SV2C: variants seen among roughly 807,000 people sequenced by gnomAD.
The protein encoded by SV2C is solute carrier family 22 member B3.
SV2C carries 49 observed loss-of-function variants against 79.7 expected under a neutral mutation model. The observed-to-expected ratio is 0.61, with a 90% confidence interval of 0.49 to 0.78. The LOEUF (loss-of-function observed/expected upper bound fraction) is 0.78. SV2C is among the 30% of genes least tolerant of loss of function. The pLI, the probability that SV2C is intolerant of heterozygous loss-of-function variation, is 0.00. For missense variants in SV2C, 833 were observed against 912.9 expected (o/e 0.91, Z 1.13); for synonymous variants, 334 against 333.2 (o/e 1.00, Z -0.03).
At chr5:76,337,459 C>T (rs907655742), downstream of SV2C, among the ~76,000 whole-genome samples, 3 of 152,154 alleles carry the variant, frequency 2.0e-5, no homozygotes, top group Non-Finnish European at 2.9e-5. Context: ...CTTCAACATA[C>T]GAATTTGGGA....
chr5:76,304,172 G>A (rs1241811096), intron 12 of SV2C, among the ~76,000 whole-genome samples: 2 of 152,210 alleles, frequency 1.3e-5, no homozygotes, highest in Non-Finnish European at 2.9e-5. Context: ...CGCTGTTGCT[G>A]GCAGACGCTC....
intron 1 of SV2C, among the ~76,000 whole-genome samples, chr5:76,123,254 G>C (rs1179380499): frequency 1.3e-5 from 2 of 152,066 alleles, no homozygotes; most frequent in Non-Finnish European, 2.9e-5. Flanking sequence ...CAACCAAAAA[G>C]AGTCCAGGAC....
the SV2C span, among the ~76,000 whole-genome samples, chr5:75,948,600 T>C: frequency 4.6e-3 from 697 of 151,596 alleles, 5 homozygotes; most frequent in African/African-American, 0.015. Context: ...TTGCATAGGG[T>C]GGTGGTCAGG....
chr5:75,975,898 AG>A, the SV2C span, among the ~76,000 whole-genome samples: 5 of 152,172 alleles, frequency 3.3e-5, no homozygotes, highest in Non-Finnish European at 7.3e-5. Flanking sequence ...AGGCAAAGAG[AG>A]AAGAAGCAGA....
intron 2 of SV2C, among the ~76,000 whole-genome samples, chr5:76,156,285 A>C (rs1045676164): frequency 6.6e-6 from 1 of 152,198 alleles, no homozygotes; most frequent in East Asian, 1.9e-4. Flanking sequence ...AGCTGTGGAC[A>C]TACCCAAGGC....
the SV2C span, among the ~76,000 whole-genome samples, chr5:75,868,543 A>T: frequency 1.3e-5 from 2 of 152,226 alleles, no homozygotes; most frequent in African/African-American, 2.4e-5. Flanking sequence ...TTGCTTTAGG[A>T]AGTACCTGCT....
intron 2 of SV2C, among the ~76,000 whole-genome samples, chr5:76,188,066 C>G (rs1743975915): frequency 6.6e-6 from 1 of 152,044 alleles, no homozygotes; most frequent in South Asian, 2.1e-4. Context: ...AGAGACCAGG[C>G]CTGGGCAATA....
chr5:76,032,841 G>C, the SV2C span, among the ~76,000 whole-genome samples: 2 of 152,204 alleles, frequency 1.3e-5, no homozygotes, highest in African/African-American at 4.8e-5. Context: ...CACAATGGTT[G>C]AATTAGTTTA....
At chr5:76,128,234 T>C (rs1162018281) in intron 1 of SV2C, among the ~76,000 whole-genome samples, 1 of 152,180 alleles carries the variant, frequency 6.6e-6, no homozygotes, top group East Asian at 1.9e-4. Context: ...AGGGTTACAT[T>C]ATCTTTTGAA....
intron 1 of SV2C, among the ~76,000 whole-genome samples, chr5:76,100,589 T>C (rs1055843686): frequency 1.3e-5 from 2 of 152,196 alleles, no homozygotes; most frequent in African/African-American, 4.8e-5. Flanking sequence ...ATCTCCCTTG[T>C]GCAAGGGATA....
At chr5:76,005,457 T>C in the SV2C span, among the ~76,000 whole-genome samples, 1 of 152,206 alleles carries the variant, frequency 6.6e-6, no homozygotes. Flanking sequence ...TCATGGTTTT[T>C]TAGTTGGTTT....
At chr5:76,047,291 A>G in the SV2C span, among the ~76,000 whole-genome samples, 2,851 of 152,298 alleles carry the variant, frequency 0.019, 45 homozygotes, top group Non-Finnish European at 0.027. Context: ...CCATGATTCG[A>G]CTTCTAATAC....
At chr5:76,198,652 C>T (rs1744343441) in intron 3 of SV2C, among the ~76,000 whole-genome samples, 1 of 152,160 alleles carries the variant, frequency 6.6e-6, no homozygotes, top group African/African-American at 2.4e-5. Context: ...CAATATTTTT[C>T]TTCTTCACCA....
chr5:76,171,949 C>A, intron 2 of SV2C, among the ~76,000 whole-genome samples: 1 of 129,722 alleles, frequency 7.7e-6, no homozygotes, highest in Non-Finnish European at 1.7e-5. Context: ...GGGGTCAGCC[C>A]CCCGCCTGGC....
At chr5:75,984,567 A>ATCTATCTATCTACC in the SV2C span, among the ~76,000 whole-genome samples, 1 of 102,826 alleles carries the variant, frequency 9.7e-6, no homozygotes, top group African/African-American at 2.9e-5. Flanking sequence ...CTATCTATCT[A>ATCTATCTATCTACC]TATCTATCTA....
At chr5:75,995,456 A>G in the SV2C span, among the ~76,000 whole-genome samples, 9 of 152,250 alleles carry the variant, frequency 5.9e-5, no homozygotes, top group Non-Finnish European at 1.2e-4. Context: ...AGATTAGCAC[A>G]TGACTGCAGG....
the SV2C span, among the ~76,000 whole-genome samples, chr5:76,005,253 A>G: frequency 6.6e-6 from 1 of 152,212 alleles, no homozygotes; most frequent in Non-Finnish European, 1.5e-5. Flanking sequence ...TGGTTCACAT[A>G]AAAAGATATC....
the SV2C span, among the ~76,000 whole-genome samples, chr5:76,051,080 A>G: frequency 6.6e-6 from 1 of 152,242 alleles, no homozygotes; most frequent in Non-Finnish European, 1.5e-5. Flanking sequence ...TAATGAGTAA[A>G]AAGTATCTTT....
chr5:76,015,138 G>A, the SV2C span, among the ~76,000 whole-genome samples: 1 of 152,142 alleles, frequency 6.6e-6, no homozygotes, highest in Non-Finnish European at 1.5e-5. Flanking sequence ...TAACAAAGGC[G>A]TGAGTTCTTC....
Sources: allele counts gnomAD v4.1 joint callset (sites outside exome capture counted in the v4.1 genomes callset), GRCh38; gene constraint gnomAD v4.1.1; transcripts MANE v1.5; gene names NCBI Gene and HGNC (gene_info 2026-07-23, HGNC 2026-07-21).